Variants in PLS1 observed in about 807,000 individuals in gnomAD.
The protein encoded by PLS1 is plastin 1, also known as plastin-1.
In PLS1, 32 loss-of-function variants were observed where a neutral mutation model predicts 73.7. That is an observed-to-expected ratio of 0.43 (90% CI 0.33 to 0.58). The LOEUF is 0.58. PLS1 is among the 20% of genes least tolerant of loss of function. The probability of loss-of-function intolerance (pLI) is 0.04; values close to 1 mark genes in which losing one functional copy is unlikely to be tolerated. For synonymous variants in PLS1, 217 were observed against 261.3 expected, an observed-to-expected ratio of 0.83 and a Z score of 1.63; for missense variants, 633 against 740.5, an observed-to-expected ratio of 0.85 and a Z score of 1.68.
At chr3:142,614,050 A>G (rs1318749421) in intron 1 of PLS1, among the ~76,000 whole-genome samples, 1 of 152,198 alleles carries the variant, frequency 6.6e-6, no homozygotes, top group Non-Finnish European at 1.5e-5. Flanking sequence ...TTAAGGAACT[A>G]GAAATGTTAA....
chr3:142,661,314 C>T (rs2037364812), intron 1 of PLS1, among the ~76,000 whole-genome samples: 2 of 152,252 alleles, frequency 1.3e-5, no homozygotes, highest in South Asian at 4.1e-4. Context: ...CTTCTATTTA[C>T]TCCTTTTTCT....
At chr3:142,648,446 A>G (rs2037007016) in intron 1 of PLS1, among the ~76,000 whole-genome samples, 1 of 152,200 alleles carries the variant, frequency 6.6e-6, no homozygotes, top group Admixed American at 6.5e-5. Context: ...GAACAAACTA[A>G]AAAAGACGAG....
intron 10 of PLS1, among the ~76,000 whole-genome samples, chr3:142,693,999 G>A (rs928349663): frequency 1.3e-5 from 2 of 151,894 alleles, no homozygotes; most frequent in African/African-American, 4.8e-5. Context: ...GTAGGTCTGT[G>A]TGCTGAGAAA....
At chr3:142,625,967 C>G (rs2036418675) in intron 1 of PLS1, among the ~76,000 whole-genome samples, 1 of 152,154 alleles carries the variant, frequency 6.6e-6, no homozygotes, top group Non-Finnish European at 1.5e-5. Flanking sequence ...GAACAAGACC[C>G]TGTCTCAAAA....
intron 1 of PLS1, among the ~76,000 whole-genome samples, chr3:142,615,838 A>G (rs1016390260): frequency 6.6e-6 from 1 of 152,196 alleles, no homozygotes; most frequent in African/African-American, 2.4e-5. Flanking sequence ...CATTGAGTAT[A>G]GCAGTGGTTT....
At chr3:142,617,627 A>C (rs1285636698) in intron 1 of PLS1, among the ~76,000 whole-genome samples, 1 of 152,130 alleles carries the variant, frequency 6.6e-6, no homozygotes, top group Non-Finnish European at 1.5e-5. Context: ...TTGGGTTGAG[A>C]CCCAGGAATC....
intron 1 of PLS1, among the ~76,000 whole-genome samples, chr3:142,598,151 CTGT>C (rs1024819583): frequency 6.6e-6 from 1 of 152,208 alleles, no homozygotes; most frequent in Non-Finnish European, 1.5e-5. Flanking sequence ...GCACTTACTA[CTGT>C]TGTTTGTGCT....
chr3:142,689,808 T>C lies in PLS1; in HGVS notation c.1172T>C (p.Leu391Pro). Reference protein sequence around the residue: ...PNNNDIDMNLLEGESKEERTF... With the variant: ...PNNNDIDMNLPEGESKEERTF... ...AATAATGACATCGATATGAATTTAC[T>C]GGAAGGTGCGTTCTTTCTGCCTTTA... Residue 391 changes from leucine to proline, a missense_variant, in exon 10 of 16, where the codon CTG (leucine) becomes CCG (proline). Transcript: ENST00000457734. 1 of 1,578,234 alleles carries C rather than the reference T, an allele frequency of 6.3e-7. No homozygotes were observed. Among genetic ancestry groups the C allele is most frequent in the Non-Finnish European group, 8.6e-7 (1 of 1,160,288 alleles).
chr3:142,711,659 C>T, intron 15 of PLS1, 34 bp downstream of exon 15: 1 of 1,538,382 alleles, frequency 6.5e-7, no homozygotes, highest in Non-Finnish European at 8.8e-7. Flanking sequence ...CAATACATGG[C>T]CCTTTAATTC....
chr3:142,699,570 A>G (rs2038283539), intron 12 of PLS1, among the ~76,000 whole-genome samples: 1 of 152,242 alleles, frequency 6.6e-6, no homozygotes, highest in African/African-American at 2.4e-5. Flanking sequence ...GCACATGTAT[A>G]CCAGAACTTA....
intron 1 of PLS1, among the ~76,000 whole-genome samples, chr3:142,608,607 C>T (rs568947799): frequency 1.2e-4 from 18 of 152,208 alleles, no homozygotes; most frequent in Non-Finnish European, 2.4e-4. Context: ...GAAGCCTATA[C>T]TCTGCTGCCT....
chr3:142,601,101 A>G (rs991154893), intron 1 of PLS1, among the ~76,000 whole-genome samples: 2 of 145,044 alleles, frequency 1.4e-5, no homozygotes, highest in Non-Finnish European at 3.0e-5. Context: ...TTTTTTTTTT[A>G]TTTTTAGTAG....
In PLS1 at chr3:142,676,309, A is replaced by C. The variant is rs1560063285; in HGVS notation, c.497+20A>C. ...TCTTTGGTGAGTTGAACTTCTGGTT[A>C]AGGAAGCTGCGTTCTTGCTGATTAC... On this transcript the variant is annotated intron_variant, in intron 5 of 15. Transcript: ENST00000457734. The C allele has an allele frequency of 6.2e-7, 1 of 1,608,492 alleles. No individual in the cohort carries two copies. Among genetic ancestry groups the C allele is most frequent in the Non-Finnish European group, 8.5e-7 (1 of 1,177,804 alleles).
chr3:142,640,817 C>T (rs2036815748), intron 1 of PLS1, among the ~76,000 whole-genome samples: 1 of 151,960 alleles, frequency 6.6e-6, no homozygotes, highest in African/African-American at 2.4e-5. Flanking sequence ...GGTTTATGCC[C>T]TTCATTTCTC....
At chr3:142,689,587 C>T (rs1400312320) in intron 9 of PLS1, 31 bp from the exon 10 acceptor site, 1 of 1,379,698 alleles carries the variant, frequency 7.2e-7, no homozygotes, top group Non-Finnish European at 9.7e-7. Context: ...ATTAAAACTT[C>T]AATTGTAACC....
intron 1 of PLS1, among the ~76,000 whole-genome samples, chr3:142,659,450 A>C (rs2037314684): frequency 6.6e-6 from 1 of 152,204 alleles, no homozygotes; most frequent in Admixed American, 6.5e-5. Context: ...TATCATTATC[A>C]GTATTCAGTA....
chr3:142,705,188 T>A (rs1160383760), intron 14 of PLS1, among the ~76,000 whole-genome samples: 2 of 151,880 alleles, frequency 1.3e-5, no homozygotes, highest in Non-Finnish European at 2.9e-5. Flanking sequence ...AGAATAGAGC[T>A]AAAAAAAATC....
chr3:142,622,451 A>C (rs541309907), intron 1 of PLS1, among the ~76,000 whole-genome samples: 3 of 152,020 alleles, frequency 2.0e-5, no homozygotes, highest in Non-Finnish European at 4.4e-5. Context: ...TTCTGCTGTC[A>C]CTATAGGTTA....
chr3:142,671,839 G>C (rs1312164323), intron 4 of PLS1, among the ~76,000 whole-genome samples: 2 of 152,094 alleles, frequency 1.3e-5, no homozygotes, highest in African/African-American at 4.8e-5. Flanking sequence ...TTTCAGATCT[G>C]AATCTGTTAA....
Sources: gnomAD v4.1 joint callset for allele counts (sites outside exome capture counted in the v4.1 genomes callset) on GRCh38, gnomAD v4.1.1 for gene constraint, MANE v1.5 for transcripts, NCBI Gene and HGNC (gene_info 2026-07-23, HGNC 2026-07-21) for gene names.